AXIN2: variants seen among roughly 807,000 people sequenced by gnomAD.
AXIN2 encodes axin-2.
AXIN2 carries 21 observed loss-of-function variants against 74.7 expected under a neutral mutation model. The ratio of observed to expected loss-of-function variants is 0.28; its 90% CI spans 0.20 to 0.40. The LOEUF (loss-of-function observed/expected upper bound fraction) is 0.40. Among genes scored for constraint, AXIN2 ranks in the 10% least tolerant of loss-of-function variants. The pLI, the probability that AXIN2 is intolerant of heterozygous loss-of-function variation, is 1.00. For synonymous variants in AXIN2, 532 were observed against 454.9 expected (o/e 1.17, Z -2.16); for missense variants, 1,144 against 1,111.1 (o/e 1.03, Z -0.42).
At position 65,535,107 on chromosome 17, in the gene AXIN2, T is replaced by C. The variant is rs186160796; in HGVS notation, c.2237+519A>G. 3.3e-5 allele frequency among the ~76,000 whole-genome samples: 5 copies of C among 152,358 alleles called. No homozygotes were observed. The East Asian group carries it at 7.7e-4, about 23-fold the overall frequency. On this transcript the variant is annotated intron_variant, in intron 9 of 10. Coordinates refer to ENST00000307078, the MANE Select transcript of AXIN2 (RefSeq NM_004655.4). ...TGATACAGACCATTTTAGATCTCTT[T>C]AGCAGATTTCTTTTTAATTGCACCA...
chr17:65,535,805 G>A, intron 8 of AXIN2, 84 bp from the exon 9 acceptor site: 1 of 1,298,768 alleles, frequency 7.7e-7, no homozygotes, highest in Non-Finnish European at 1.1e-6. Flanking sequence ...ATTACTATTT[G>A]GCCTCCTGAA....
chr17:65,536,751 G>T, intron 7 of AXIN2, 118 bp downstream of exon 7: 1 of 1,487,280 alleles, frequency 6.7e-7, no homozygotes, highest in Non-Finnish European at 9.3e-7. Flanking sequence ...ATATTAAGAT[G>T]GCAGGAGCAA....
intron 3 of AXIN2, 57 bp from the exon 4 acceptor site, chr17:65,541,614 A>T: frequency 7.2e-6 from 10 of 1,383,610 alleles, no homozygotes; most frequent in Non-Finnish European, 9.3e-6. Flanking sequence ...TCAGCACATC[A>T]CATGGGCTAC....
intron 9 of AXIN2, among the ~76,000 whole-genome samples, chr17:65,534,869 G>A (rs576221048): frequency 1.3e-5 from 2 of 152,314 alleles, no homozygotes; most frequent in Non-Finnish European, 2.9e-5. Flanking sequence ...GGCGGAGGCT[G>A]CAGTGGGCCA....
Position 65,537,596 on chromosome 17 carries a change from C to G in AXIN2, c.1440G>C (p.Leu480=). Residue 480 remains leucine (L), a synonymous_variant, in exon 6 of 11, where the codon CTG becomes CTC. Coordinates refer to ENST00000307078, the MANE Select transcript of AXIN2 (RefSeq NM_004655.4). ...HHHHHSQYHS[L]LPPGGKLPPA... is the part of the protein sequence containing the mutation. ...GAGGCAGCTTGCCACCGGGCGGGAGCAGGGAGTGGTACTGCGAATGGTGGT... is the reference window on the plus strand; with the variant it reads ...GAGGCAGCTTGCCACCGGGCGGGAGGAGGGAGTGGTACTGCGAATGGTGGT... 6.2e-7 allele frequency: 1 copy of G among 1,604,656 alleles called. No individual in the cohort carries two copies. The highest frequency in any genetic ancestry group is 1.3e-5 in the African/African-American group (1 of 74,934).
At position 65,536,443 on chromosome 17, in the gene AXIN2, G is replaced by T. The variant is rs576688801; in HGVS notation, c.2018C>A (p.Thr673Asn). 2 of 1,601,520 alleles carry T rather than the reference G, an allele frequency of 1.2e-6. No individual in the cohort carries two copies. The highest frequency in any genetic ancestry group is 2.2e-5 in the South Asian group (2 of 91,026). ...WGGNSGHPRT[T>N]PRAHLFTQDP... is the part of the protein sequence containing the mutation. Reference sequence around the variant, plus strand: ...CTGGGTGAACAGGTGGGCACGGGGGGTGGTGCGGGGGTGCCCGCTGTTGCC... The same window carrying T: ...CTGGGTGAACAGGTGGGCACGGGGGTTGGTGCGGGGGTGCCCGCTGTTGCC... The change falls in exon 8 of 11, where the codon ACC (threonine) becomes AAC (asparagine). Residue 673 changes from threonine (T) to asparagine (N), a missense_variant. Thr to Asn is a moderately conservative substitution (Grantham distance 65). This residue lies in a region of AXIN2 where 1,053 missense variants were observed against 973.5 expected (regional missense o/e 1.08). Transcript: ENST00000307078.
chr17:65,534,174 G>A, intron 9 of AXIN2, 95 bp from the exon 10 acceptor site: 6 of 1,471,332 alleles, frequency 4.1e-6, no homozygotes, highest in Non-Finnish European at 5.7e-6. Flanking sequence ...TAAGTGACAG[G>A]GTATCCAAAC....
intron 10 of AXIN2, among the ~76,000 whole-genome samples, chr17:65,532,759 T>C (rs560615887): frequency 6.6e-6 from 1 of 152,294 alleles, no homozygotes; most frequent in East Asian, 1.9e-4. Flanking sequence ...AGTTTTCCAC[T>C]CACACCCCTG....
chr17:65,552,749 CCAGGCA>C (rs1191579126), intron 2 of AXIN2, among the ~76,000 whole-genome samples: 4 of 152,172 alleles, frequency 2.6e-5, no homozygotes, highest in Non-Finnish European at 1.5e-5. Context: ...AGAGCCCCAG[CCAGGCA>C]CGGTGACCCA....
In AXIN2 at chr17:65,538,036, C is replaced by T. The variant is rs11658824; in HGVS notation, c.1200+167G>A. The T allele has an allele frequency of 0.62, 860,101 of 1,378,798 alleles. 276,420 individuals are homozygous for T. The highest frequency in any genetic ancestry group is 0.66 in the Non-Finnish European group (662,679 of 1,002,562). 85.4% of individuals were successfully genotyped at this position (1,378,798 alleles called of 1,614,324 possible). A position where few individuals can be genotyped will look rare whatever the true frequency, so the allele number is the denominator to read the frequency against. On this transcript the variant is annotated intron_variant, in intron 5 of 10. Coordinates refer to ENST00000307078, the MANE Select transcript of AXIN2 (RefSeq NM_004655.4). ...TGCACACCCACACGCAACCCATGCA[C>T]ATGCGCACACAGCCCACGCCCAGGC...
At position 65,558,648 on chromosome 17, in the gene AXIN2, G is replaced by C. The variant is rs573229183; in HGVS notation, c.-28C>G. The C allele has an allele frequency of 8.8e-6, 14 of 1,595,932 alleles. No homozygotes were observed. In the Admixed American group the frequency reaches 1.5e-4, roughly 17 times the overall value. ...TGAGGGAGCTCTTCCCACTGAGTCT[G>C]GGAATTTTTCTTCTTCCAGTTCCTC... On this transcript the variant is annotated 5_prime_UTR_variant, in exon 2 of 11. Coordinates refer to ENST00000307078, the MANE Select transcript of AXIN2 (RefSeq NM_004655.4).
intron 3 of AXIN2, among the ~76,000 whole-genome samples, chr17:65,549,121 C>T (rs1198692867): frequency 6.6e-6 from 1 of 152,192 alleles, no homozygotes; most frequent in African/African-American, 2.4e-5. Flanking sequence ...CCTTGTCTCC[C>T]AGCTGTTGGT....
intron 9 of AXIN2, among the ~76,000 whole-genome samples, chr17:65,535,308 T>C (rs1007014049): frequency 6.6e-6 from 1 of 152,294 alleles, no homozygotes; most frequent in South Asian, 2.1e-4. Flanking sequence ...GGGTGACAAA[T>C]GTTTCCAGTA....
Position 65,536,929 on chromosome 17 carries a change from G to C in AXIN2, c.1847C>G (p.Ser616Trp). The change falls in exon 7 of 11, where the codon TCG becomes TGG. Residue 616 changes from serine (S) to tryptophan (W), a missense_variant. By Grantham distance (177) the Ser-to-Trp change is radical (BLOSUM62 -3). Coordinates refer to ENST00000307078, the MANE Select transcript of AXIN2 (RefSeq NM_004655.4). The part of the protein sequence containing the change: ...LQLPREEGDR[S>W]QDVWQWMLES... Reference sequence around the variant, plus strand: ...CAGCATCCACTGCCAGACATCCTGCGACCTGTCTCCTTCCTCCCGGGGAAG... The same window carrying C: ...CAGCATCCACTGCCAGACATCCTGCCACCTGTCTCCTTCCTCCCGGGGAAG... The C allele has an allele frequency of 1.2e-6, 2 of 1,613,608 alleles. No individual in the cohort carries two copies. Among genetic ancestry groups the C allele is most frequent in the Non-Finnish European group, 1.7e-6 (2 of 1,179,990 alleles).
chr17:65,534,153 G>A (rs576960143), intron 9 of AXIN2, 74 bp from the exon 10 acceptor site: 54 of 1,542,280 alleles, frequency 3.5e-5, no homozygotes, highest in East Asian at 1.6e-4. Flanking sequence ...ACACACGTGC[G>A]CACATGTGCA....
At chr17:65,548,640 T>C (rs996937785) in intron 3 of AXIN2, among the ~76,000 whole-genome samples, 7 of 152,042 alleles carry the variant, frequency 4.6e-5, no homozygotes, top group African/African-American at 1.5e-4. Context: ...CCACTCTGGG[T>C]CTCCTGAACC....
rs2043948998 is a variant in AXIN2 at position 65,537,465 on chromosome 17, A to AG, written c.1570_1571insC (p.Val524AlafsTer104). ...CTCGATCTCCTCCTTGGTCTTGGGG[A>AG]CGGCATGGTGGTGGATGTAGTGGTG... On this transcript the variant is annotated frameshift_variant, in exon 6 of 11. Coordinates refer to ENST00000307078, the MANE Select transcript of AXIN2 (RefSeq NM_004655.4). LOFTEE classifies it high-confidence loss of function. 6.2e-7 allele frequency: 1 copy of AG among 1,613,574 alleles called. No individual in the cohort carries two copies. Among genetic ancestry groups the AG allele is most frequent in the South Asian group, 1.1e-5 (1 of 91,044 alleles).
intron 2 of AXIN2, among the ~76,000 whole-genome samples, chr17:65,552,933 CAGG>C (rs1383150680): frequency 6.6e-6 from 1 of 152,066 alleles, no homozygotes; most frequent in African/African-American, 2.4e-5. Context: ...GAGGCTGAGG[CAGG>C]AGAATCGCTT....
At chr17:65,538,029 C>A in intron 5 of AXIN2, 174 bp downstream of exon 5, 1 of 1,359,498 alleles carries the variant, frequency 7.4e-7, no homozygotes, top group Non-Finnish European at 1.0e-6. Flanking sequence ...CACACGCAAC[C>A]CATGCACATG....
Sources: allele counts gnomAD v4.1 joint callset (sites outside exome capture counted in the v4.1 genomes callset), GRCh38; gene constraint gnomAD v4.1.1; regional missense constraint gnomAD v4.1.1; transcripts MANE v1.5; gene names NCBI Gene and HGNC (gene_info 2026-07-23, HGNC 2026-07-21).